VAV2: variants seen among roughly 807,000 people sequenced by gnomAD.
VAV2 encodes guanine nucleotide exchange factor VAV2.
Under a neutral mutation model 132.5 loss-of-function variants are expected in VAV2, and 67 were observed. That is an observed-to-expected ratio of 0.51 (90% CI 0.42 to 0.62). The LOEUF (loss-of-function observed/expected upper bound fraction) is 0.62. VAV2 is among the 20% of genes least tolerant of loss of function. The pLI is 0.00. For synonymous variants in VAV2, 492 were observed against 443.5 expected (o/e 1.11, Z -1.37); for missense variants, 938 against 1,153.6 (o/e 0.81, Z 2.71).
At chr9:133,765,895 C>T (rs1833413485) in intron 29 of VAV2, among the ~76,000 whole-genome samples, 1 of 152,082 alleles carries the variant, frequency 6.6e-6, no homozygotes, top group South Asian at 2.1e-4. Flanking sequence ...GGGCAGGTTA[C>T]TGACACTTTT....
In VAV2 at chr9:133,878,277, C is replaced by T. The variant is rs150498888; in HGVS notation, c.322-16845G>A. ...CACCTCTGCGGCCGTAGGAGCCACA[C>T]AAGGAAGGCCTCACACGAACCACAC... On this transcript the variant is annotated intron_variant, in intron 2 of 29. Transcript: ENST00000371850. 4.1e-3 allele frequency among the ~76,000 whole-genome samples: 628 copies of T among 152,310 alleles called. 9 individuals are homozygous for T. The highest frequency in any genetic ancestry group is 0.015 in the African/African-American group (613 of 41,556).
chr9:133,862,247 G>T (rs1199077709), intron 2 of VAV2, among the ~76,000 whole-genome samples: 2 of 152,368 alleles, frequency 1.3e-5, no homozygotes, highest in Non-Finnish European at 2.9e-5. Flanking sequence ...TCTCCAAAGG[G>T]ACAGGTGGCT....
At position 133,769,835 on chromosome 9, in the gene VAV2, G is replaced by A. The variant is rs1833556757; in HGVS notation, c.2348-332C>T. 6.6e-6 allele frequency among the ~76,000 whole-genome samples: 1 copy of A among 152,230 alleles called. No individual in the cohort carries two copies. The highest frequency in any genetic ancestry group is 2.1e-4 in the South Asian group (1 of 4,834). ...TCCTCTCCTGTCCAGCTCGGCCTGT[G>A]TGAGACCCATGGCCCTGCAGGACCC... is the stretch of plus-strand genomic sequence containing the variant. On this transcript the variant is annotated intron_variant, in intron 27 of 29. Coordinates refer to ENST00000371850, the MANE Select transcript of VAV2 (RefSeq NM_001134398.2). The surrounding 1 kb of genome is among the most constrained non-coding windows in gnomAD (Gnocchi z 8.1).
intron 3 of VAV2, among the ~76,000 whole-genome samples, chr9:133,855,911 T>C (rs1376053863): frequency 1.3e-5 from 2 of 152,220 alleles, no homozygotes; most frequent in Non-Finnish European, 2.9e-5. Flanking sequence ...AGGCCAGAGT[T>C]CATCACGTGA....
rs1357403189 is a variant in VAV2, at chr9:133,879,588, G to A, written c.322-18156C>T. Among the ~76,000 whole-genome samples the A allele has an allele frequency of 1.3e-5, 2 of 152,116 alleles. No homozygotes were observed. Among genetic ancestry groups the A allele is most frequent in the Non-Finnish European group, 2.9e-5 (2 of 68,020 alleles). On this transcript the variant is annotated intron_variant, in intron 2 of 29. Transcript: ENST00000371850. This position sits in a 1 kb window ranked among gnomAD's most constrained non-coding sequence, Gnocchi z 4.4. ...GCACCTGACATTACAGACCCACAGGGCAACCAAGTGCACATCTGAGTCCTC... is the reference window on the plus strand; with the variant it reads ...GCACCTGACATTACAGACCCACAGGACAACCAAGTGCACATCTGAGTCCTC...
intron 1 of VAV2, among the ~76,000 whole-genome samples, chr9:133,970,890 C>T (rs1266393031): frequency 1.3e-5 from 2 of 152,348 alleles, no homozygotes; most frequent in South Asian, 2.1e-4. Context: ...ACAGATGTTT[C>T]GTTTAAGCAG....
chr9:133,795,517 C>A (rs1261483593), intron 12 of VAV2, 151 bp downstream of exon 12: 13 of 940,336 alleles, frequency 1.4e-5, no homozygotes, highest in Non-Finnish European at 1.8e-5. Context: ...TGGGTCTCAC[C>A]CACTGCCCTG....
intron 2 of VAV2, among the ~76,000 whole-genome samples, chr9:133,909,839 C>CT (rs1417668060): frequency 1.3e-5 from 2 of 152,206 alleles, no homozygotes; most frequent in Non-Finnish European, 2.9e-5. Context: ...CATGCATTAA[C>CT]TTCAGATTCT....
Position 133,802,836 on chromosome 9 carries a change from C to T in VAV2, c.836+3245G>A, listed in dbSNP as rs535094930. On this transcript the variant is annotated intron_variant, in intron 9 of 29. Transcript: ENST00000371850. This position sits in a 1 kb window ranked among gnomAD's most constrained non-coding sequence, Gnocchi z 5.8. ...GATTGAGGACCACAGGCCATGGGCT[C>T]AGGTATGGACCAAGGATGCAGGAAC... Among the ~76,000 whole-genome samples, 19 of 152,214 alleles carry T rather than the reference C, an allele frequency of 1.2e-4. No homozygotes were observed. The highest frequency in any genetic ancestry group is 2.4e-4 in the Non-Finnish European group (16 of 68,046).
chr9:133,975,144 C>T (rs1291146832), intron 1 of VAV2, among the ~76,000 whole-genome samples: 1 of 152,246 alleles, frequency 6.6e-6, no homozygotes, highest in Non-Finnish European at 1.5e-5. Context: ...ATTTCATCAA[C>T]TCCTACCCCG....
chr9:133,868,903 C>A (rs1304321583), intron 2 of VAV2, among the ~76,000 whole-genome samples: 1 of 152,170 alleles, frequency 6.6e-6, no homozygotes, highest in Non-Finnish European at 1.5e-5. Context: ...AAGCTGGGTG[C>A]AGTGGCTCAT....
In VAV2 at chr9:133,943,850, G is replaced by A. The variant is rs544701265; in HGVS notation, c.205-4631C>T. 7.2e-5 allele frequency among the ~76,000 whole-genome samples: 11 copies of A among 152,358 alleles called. 1 individual carries two copies. The South Asian group carries it at 2.3e-3, about 32-fold the overall frequency. Reference sequence around the variant, plus strand: ...CCCCTTTCTCTCCGGCCCATTCATCGGCAGCCGCAGATCTAATCAGGCTGA... The same window carrying A: ...CCCCTTTCTCTCCGGCCCATTCATCAGCAGCCGCAGATCTAATCAGGCTGA... On this transcript the variant is annotated intron_variant, in intron 1 of 29. Coordinates refer to ENST00000371850, the MANE Select transcript of VAV2 (RefSeq NM_001134398.2).
At chr9:133,773,687 G>T (rs1833715990) in intron 25 of VAV2, among the ~76,000 whole-genome samples, 1 of 151,740 alleles carries the variant, frequency 6.6e-6, no homozygotes, top group Admixed American at 6.6e-5. Flanking sequence ...AGACAACAAT[G>T]CCTTCTTCTA....
At chr9:133,937,671 C>A (rs1214165973) in intron 2 of VAV2, among the ~76,000 whole-genome samples, 2 of 152,086 alleles carry the variant, frequency 1.3e-5, no homozygotes, top group Admixed American at 6.5e-5. Context: ...AGTTCCAACT[C>A]ATTTCAAAAC....
chr9:133,956,745 C>T (rs1841794550), intron 1 of VAV2, among the ~76,000 whole-genome samples: 1 of 152,228 alleles, frequency 6.6e-6, no homozygotes, highest in Non-Finnish European at 1.5e-5. Context: ...AGGCCAACAG[C>T]TGGGCCAGCC....
chr9:133,921,638 C>A (rs1469500348), intron 2 of VAV2, among the ~76,000 whole-genome samples: 1 of 152,184 alleles, frequency 6.6e-6, no homozygotes, highest in African/African-American at 2.4e-5. Context: ...AACCATGTCC[C>A]TCATAAGGGG....
At chr9:133,861,249 G>T in intron 3 of VAV2, 125 bp downstream of exon 3, 1 of 1,085,946 alleles carries the variant, frequency 9.2e-7, no homozygotes, top group Non-Finnish European at 1.3e-6. Flanking sequence ...ACAACACGCT[G>T]CAAATGCATG....
At chr9:133,818,200 TAA>T (rs1175589914) in intron 4 of VAV2, among the ~76,000 whole-genome samples, 8 of 150,704 alleles carry the variant, frequency 5.3e-5, no homozygotes, top group Admixed American at 2.7e-4. Flanking sequence ...CCGTCTCTAC[TAA>T]AAAAATACAA....
At chr9:133,812,252 G>A (rs1047352297) in intron 4 of VAV2, 36 bp from the exon 5 acceptor site, 3 of 1,590,352 alleles carry the variant, frequency 1.9e-6, no homozygotes, top group Non-Finnish European at 2.6e-6. Context: ...GGGAGGGGAG[G>A]CTCCCGCCAC....
Sources: gnomAD v4.1 joint callset for allele counts (sites outside exome capture counted in the v4.1 genomes callset) on GRCh38, gnomAD v4.1.1 for gene constraint, Gnocchi (gnomAD v3.1) non-coding constraint, MANE v1.5 for transcripts, NCBI Gene and HGNC (gene_info 2026-07-23, HGNC 2026-07-21) for gene names.